Variants in MDN1 observed in about 807,000 individuals in gnomAD.
The protein encoded by MDN1 is midasin AAA ATPase 1.
In MDN1, 266 loss-of-function variants were observed where a neutral mutation model predicts 669.2. The ratio of observed to expected loss-of-function variants is 0.40; its 90% confidence interval spans 0.36 to 0.44. The LOEUF is 0.44. MDN1 is among the 20% of genes least tolerant of loss of function. MDN1 has a pLI of 1.00. For synonymous variants in MDN1, 2,385 were observed against 2,457.1 expected (o/e 0.97, Z 0.87); for missense variants, 5,940 against 6,754.0 (o/e 0.88, Z 4.22).
chr6:89,676,090 CT>C lies in MDN1; in HGVS notation c.12645+11del. On this transcript the variant is annotated intron_variant, in intron 77 of 101. Transcript: ENST00000369393. ...CCTGAGCCCCTGCAAGACTCATGTT[CT>C]ATCATTCTACCTTGGCAGGAGTTGC... The C allele has an allele frequency of 1.2e-6, 2 of 1,611,694 alleles. No individual in the cohort carries two copies. Among genetic ancestry groups the C allele is most frequent in the Non-Finnish European group, 1.7e-6 (2 of 1,177,806 alleles).
intron 79 of MDN1, among the ~76,000 whole-genome samples, 199 bp downstream of exon 79, chr6:89,673,905 C>T (rs893204211): frequency 2.6e-5 from 4 of 152,068 alleles, no homozygotes; most frequent in Admixed American, 6.6e-5. Flanking sequence ...ACGCTGTTTC[C>T]GCTGAAGTCT....
chr6:89,665,307 G>A (rs1023026317), intron 84 of MDN1, among the ~76,000 whole-genome samples: 1 of 152,142 alleles, frequency 6.6e-6, no homozygotes, highest in African/African-American at 2.4e-5. Flanking sequence ...GATTACAGGT[G>A]TGAGCGACTG....
intron 87 of MDN1, 34 bp downstream of exon 87, chr6:89,662,053 T>A: frequency 6.3e-7 from 1 of 1,592,626 alleles, no homozygotes; most frequent in South Asian, 1.2e-5. Flanking sequence ...TGGCCTTGAG[T>A]CAAGAGAGCG....
chr6:89,723,389 G>T, intron 39 of MDN1, 123 bp downstream of exon 39: 1 of 716,798 alleles, frequency 1.4e-6, no homozygotes, highest in Non-Finnish European at 2.2e-6. Flanking sequence ...CTAGAAACCT[G>T]TAGAATTCAA....
chr6:89,678,058 G>C (rs1313685841), intron 75 of MDN1, among the ~76,000 whole-genome samples: 1 of 152,224 alleles, frequency 6.6e-6, no homozygotes, highest in Non-Finnish European at 1.5e-5. Context: ...TGGATCACGA[G>C]GTCAGGAGAT....
At chr6:89,656,593 A>C (rs1439910610) in intron 91 of MDN1, 107 bp downstream of exon 91, 5 of 937,394 alleles carry the variant, frequency 5.3e-6, no homozygotes, top group African/African-American at 3.4e-5. Flanking sequence ...ACAACAACAA[A>C]AAAACCAGGA....
At chr6:89,733,585 AGATT>A (rs1815736941) in intron 33 of MDN1, among the ~76,000 whole-genome samples, 1 of 151,882 alleles carries the variant, frequency 6.6e-6, no homozygotes, top group African/African-American at 2.4e-5. Flanking sequence ...AAAGCTATAT[AGATT>A]GTGATTTAGA....
chr6:89,759,829 T>A lies in MDN1; in HGVS notation c.2461-869A>T, dbSNP rs117481382. 2.1e-4 allele frequency among the ~76,000 whole-genome samples: 32 copies of A among 151,866 alleles called. 1 individual carries two copies. The East Asian group carries it at 6.2e-3, about 30-fold the overall frequency. ...GCTCATGCCTGTAATCGCAGCACTCTGGAAGGCCAAGGTGGGTGGCTCACC... is the reference window on the plus strand; with the variant it reads ...GCTCATGCCTGTAATCGCAGCACTCAGGAAGGCCAAGGTGGGTGGCTCACC... On this transcript the variant is annotated intron_variant, in intron 17 of 101. Transcript: ENST00000369393.
Position 89,718,631 on chromosome 6 carries a change from T to C in MDN1, c.6322-4A>G. On this transcript the variant is annotated splice_polypyrimidine_tract_variant and splice_region_variant and intron_variant, in intron 42 of 101. Transcript: ENST00000369393. ...TCCAAGGTCGTATAAGATCAACCTGTAATTTCCAGAGGACATGAACTCATC... is the reference window on the plus strand; with the variant it reads ...TCCAAGGTCGTATAAGATCAACCTGCAATTTCCAGAGGACATGAACTCATC... 6.2e-7 allele frequency: 1 copy of C among 1,613,164 alleles called. No homozygotes were observed. The highest frequency in any genetic ancestry group is 8.5e-7 in the Non-Finnish European group (1 of 1,179,236).
intron 58 of MDN1, among the ~76,000 whole-genome samples, chr6:89,699,357 A>G (rs1402309866): frequency 6.6e-6 from 1 of 152,224 alleles, no homozygotes. Context: ...TTTAAGCAGC[A>G]AATATTTTCA....
chr6:89,683,140 C>T lies in MDN1; in HGVS notation c.12094G>A (p.Ala4032Thr). ...GTCCCACAACCAAGTACCTGCCCAG[C>T]TGCTGGTTGGGCTAACAGGGTCTCC... ...LRETLLAQPA[A>T]GQATIPEWCQ... Residue 4032 changes from alanine to threonine, a missense_variant, in exon 73 of 102, where the codon GCT (alanine) becomes ACT (threonine). By Grantham distance (58) the Ala-to-Thr change is moderately conservative (BLOSUM62 0). This residue lies in a region of MDN1 where 2,280 missense variants were observed against 2,576.3 expected (regional missense o/e 0.88). Coordinates refer to ENST00000369393, the MANE Select transcript of MDN1 (RefSeq NM_014611.3). 1 of 1,614,124 alleles carries T rather than the reference C, an allele frequency of 6.2e-7. No homozygotes were observed. Among genetic ancestry groups the T allele is most frequent in the Non-Finnish European group, 8.5e-7 (1 of 1,180,022 alleles).
rs183716658 is a variant in MDN1 at position 89,675,585 on chromosome 6, A to C, written c.12646-6T>G. 1 of 1,612,280 alleles carries C rather than the reference A, an allele frequency of 6.2e-7. No individual in the cohort carries two copies. On this transcript the variant is annotated splice_polypyrimidine_tract_variant and splice_region_variant and intron_variant, in intron 77 of 101. Coordinates refer to ENST00000369393, the MANE Select transcript of MDN1 (RefSeq NM_014611.3). ...ACGTTGCCCATGCCCATTTCCTGGC[A>C]GAAGAAGGAAAAACATGCTGAAGGG...
intron 5 of MDN1, among the ~76,000 whole-genome samples, chr6:89,793,032 A>G (rs1299774572): frequency 6.6e-6 from 1 of 152,164 alleles, no homozygotes; most frequent in Admixed American, 6.5e-5. Flanking sequence ...CTGACTGAAG[A>G]CTGCTATGGA....
chr6:89,794,878 T>C (rs1255369571), intron 2 of MDN1, 77 bp from the exon 3 acceptor site: 1 of 1,180,256 alleles, frequency 8.5e-7, no homozygotes. Context: ...AATAGGTTTA[T>C]CAGAGTATTA....
At chr6:89,787,577 C>G (rs1388829970) in intron 8 of MDN1, among the ~76,000 whole-genome samples, 1 of 151,926 alleles carries the variant, frequency 6.6e-6, no homozygotes, top group Non-Finnish European at 1.5e-5. Context: ...CCTGGGCTAT[C>G]TAACAATAAC....
intron 26 of MDN1, among the ~76,000 whole-genome samples, chr6:89,747,757 G>A (rs935582740): frequency 6.6e-6 from 1 of 151,316 alleles, no homozygotes; most frequent in African/African-American, 2.4e-5. Flanking sequence ...CGGGCGTGGT[G>A]GCGGGTGCCT....
chr6:89,705,932 TAAGAATAAG>T (rs1218929930), intron 53 of MDN1, 118 bp downstream of exon 53: 52 of 814,080 alleles, frequency 6.4e-5, no homozygotes, highest in Non-Finnish European at 9.2e-5. Flanking sequence ...TTAAAACTGT[TAAGAATAAG>T]TTTCTTAAAT....
chr6:89,677,397 C>T (rs72913975), intron 76 of MDN1, among the ~76,000 whole-genome samples, 173 bp downstream of exon 76: 16,695 of 152,180 alleles, frequency 0.11, 1,030 homozygotes, highest in South Asian at 0.16. Context: ...CCCAGCCTCA[C>T]ACTTTCATTT....
intron 15 of MDN1, among the ~76,000 whole-genome samples, chr6:89,763,504 G>C (rs1328858876): frequency 6.6e-6 from 1 of 152,090 alleles, no homozygotes; most frequent in Non-Finnish European, 1.5e-5. Flanking sequence ...GGAGGTAAGA[G>C]ATAATTTTTT....
Sources: gnomAD v4.1 joint callset for allele counts (sites outside exome capture counted in the v4.1 genomes callset) on GRCh38, gnomAD v4.1.1 for gene constraint, gnomAD v4.1.1 regional missense constraint, MANE v1.5 for transcripts, NCBI Gene and HGNC (gene_info 2026-07-23, HGNC 2026-07-21) for gene names.